Variants in TANC2 observed in about 807,000 individuals in gnomAD.
The protein encoded by TANC2 is protein TANC2.
A neutral mutation model predicts 210.5 loss-of-function variants in TANC2; 26 were observed. That is an observed-to-expected ratio of 0.12 (90% CI 0.09 to 0.17). The LOEUF (loss-of-function observed/expected upper bound fraction) is 0.17. Among genes scored for constraint, TANC2 ranks in the 10% least tolerant of loss-of-function variants. The pLI, the probability that TANC2 is intolerant of heterozygous loss-of-function variation, is 1.00. For missense variants in TANC2, 2,129 were observed against 2,608.9 expected (o/e 0.82, Z 4.01); for synonymous variants, 931 against 967.1 (o/e 0.96, Z 0.69).
At chr17:62,985,037 C>A (rs2032498837) in intron 1 of TANC2, among the ~76,000 whole-genome samples, 1 of 152,146 alleles carries the variant, frequency 6.6e-6, no homozygotes, top group Admixed American at 6.5e-5. Flanking sequence ...GATGAACTCT[C>A]CAGCGCTGAC....
intron 1 of TANC2, among the ~76,000 whole-genome samples, chr17:62,974,231 A>G (rs1055677974): frequency 6.6e-6 from 1 of 152,186 alleles, no homozygotes; most frequent in Non-Finnish European, 1.5e-5. Flanking sequence ...TACCTCTCTG[A>G]TGACACCCTT....
chr17:63,117,996 A>G (rs561341049), intron 4 of TANC2, among the ~76,000 whole-genome samples: 35 of 152,364 alleles, frequency 2.3e-4, no homozygotes, highest in African/African-American at 8.2e-4. Context: ...ATTTTAAAAA[A>G]GAATATGCAT....
chr17:63,133,337 T>C (rs979017394), intron 4 of TANC2, among the ~76,000 whole-genome samples: 3 of 152,108 alleles, frequency 2.0e-5, no homozygotes, highest in Non-Finnish European at 4.4e-5. Flanking sequence ...AAACTCCTGA[T>C]CTTGTGATCC....
chr17:63,220,800 A>G (rs891936277), intron 7 of TANC2, among the ~76,000 whole-genome samples: 26 of 147,772 alleles, frequency 1.8e-4, no homozygotes, highest in African/African-American at 6.2e-4. Flanking sequence ...ATATGTATAT[A>G]TACGTGTATA....
At chr17:63,394,110 A>AT (rs1396202409) in intron 17 of TANC2, among the ~76,000 whole-genome samples, 1 of 152,088 alleles carries the variant, frequency 6.6e-6, no homozygotes, top group Non-Finnish European at 1.5e-5. Context: ...CCTAACAGTG[A>AT]TTTTCTACTT....
rs564981793 is a variant in TANC2, at chr17:63,136,435, C to G, written c.323-14835C>G. Among the ~76,000 whole-genome samples, 7 of 152,216 alleles carry G rather than the reference C, an allele frequency of 4.6e-5. No homozygotes were observed. In the South Asian group the frequency reaches 1.5e-3, roughly 32 times the overall value. Reference sequence around the variant, plus strand: ...CCCCAGTTTTCTTAGGCCTTAAGTTCTAAATAGATGAAGGACATGAACAGA... The same window carrying G: ...CCCCAGTTTTCTTAGGCCTTAAGTTGTAAATAGATGAAGGACATGAACAGA... On this transcript the variant is annotated intron_variant, in intron 4 of 27. Coordinates refer to ENST00000689528, the Ensembl canonical transcript of TANC2.
At chr17:63,229,007 G>A (rs977451591) in intron 7 of TANC2, among the ~76,000 whole-genome samples, 4 of 152,088 alleles carry the variant, frequency 2.6e-5, no homozygotes, top group Non-Finnish European at 5.9e-5. Flanking sequence ...GTCTTGTGCC[G>A]GTTTTCAAGG....
In TANC2 at chr17:63,418,204, A is replaced by C; in HGVS notation, c.4168-103A>C. The C allele has an allele frequency of 8.1e-7, 1 of 1,228,076 alleles. No individual in the cohort carries two copies. The highest frequency in any genetic ancestry group is 1.9e-4 in the Middle Eastern group (1 of 5,212). 76.1% of individuals were successfully genotyped at this position (1,228,076 alleles called of 1,614,324 possible). On this transcript the variant is annotated intron_variant, in intron 26 of 27. Transcript: ENST00000689528. This position sits in a 1 kb window ranked among gnomAD's most constrained non-coding sequence, Gnocchi z 4.6. ...GCACGTCTAGCGTCCCAGGCGTTCCATCCATGAATGTCAAAAAATGTACAA... is the reference window on the plus strand; with the variant it reads ...GCACGTCTAGCGTCCCAGGCGTTCCCTCCATGAATGTCAAAAAATGTACAA...
At chr17:63,143,451 T>A (rs372602424) in intron 4 of TANC2, among the ~76,000 whole-genome samples, 1 of 152,184 alleles carries the variant, frequency 6.6e-6, no homozygotes, top group East Asian at 1.9e-4. Context: ...TTAGCAATAT[T>A]TGCCTGTGTA....
intron 25 of TANC2, among the ~76,000 whole-genome samples, chr17:63,413,850 G>T (rs142551233): frequency 1.4e-3 from 215 of 152,206 alleles, no homozygotes; most frequent in African/African-American, 5.0e-3. Flanking sequence ...TCAATCTAAA[G>T]CCCTGGTTTC....
intron 9 of TANC2, among the ~76,000 whole-genome samples, chr17:63,287,938 A>G (rs1177652392): frequency 6.6e-6 from 1 of 152,136 alleles, no homozygotes; most frequent in Non-Finnish European, 1.5e-5. Context: ...CGGCTCCCCA[A>G]AGTGCTGGGA....
intron 15 of TANC2, 86 bp from the exon 16 acceptor site, chr17:63,388,549 C>T (rs2047858329): frequency 7.1e-7 from 1 of 1,405,612 alleles, no homozygotes; most frequent in Non-Finnish European, 9.7e-7. Flanking sequence ...TTCATTAGTA[C>T]CAAAAACAAA....
At chr17:63,060,265 T>C (rs911731277) in intron 2 of TANC2, among the ~76,000 whole-genome samples, 3 of 152,230 alleles carry the variant, frequency 2.0e-5, no homozygotes, top group Non-Finnish European at 4.4e-5. Context: ...TCACTTATGG[T>C]TGTACTGTAC....
chr17:63,095,156 G>C lies in TANC2; in HGVS notation c.140-4019G>C, dbSNP rs549469563. 3.3e-5 allele frequency among the ~76,000 whole-genome samples: 5 copies of C among 152,152 alleles called. No homozygotes were observed. In the South Asian group the frequency reaches 1.0e-3, roughly 32 times the overall value. On this transcript the variant is annotated intron_variant, in intron 3 of 27. Coordinates refer to ENST00000689528, the Ensembl canonical transcript of TANC2. ...AGTTCCTTGGGCCAGTGGAATGTTA[G>C]TGAGCAGAGAGGTTTTTCTTTGTTG...
At chr17:63,047,521 T>A (rs7219218) in intron 2 of TANC2, among the ~76,000 whole-genome samples, 81,239 of 151,840 alleles carry the variant, frequency 0.54, 23,245 homozygotes, top group African/African-American at 0.73. Context: ...GGGAGCTCTG[T>A]TGGAGAGTAT....
At chr17:63,097,271 T>C (rs2037422785) in intron 3 of TANC2, among the ~76,000 whole-genome samples, 1 of 152,250 alleles carries the variant, frequency 6.6e-6, no homozygotes, top group Middle Eastern at 3.4e-3. Context: ...GGTCTCAAAC[T>C]TATGGGCTCA....
intron 11 of TANC2, chr17:63,331,856 CTGTG>C (rs765243268): frequency 0.18 from 27,958 of 152,928 alleles, 2,620 homozygotes; most frequent in African/African-American, 0.28. Flanking sequence ...GTGTGTGTGT[CTGTG>C]TGTGTGTGTG....
chr17:63,161,394 C>G (rs531423374), intron 5 of TANC2, among the ~76,000 whole-genome samples: 1 of 152,030 alleles, frequency 6.6e-6, no homozygotes, highest in South Asian at 2.1e-4. Flanking sequence ...TCCATATACT[C>G]TGAACAGCTT....
chr17:63,262,995 G>A (rs2043413917), intron 8 of TANC2, among the ~76,000 whole-genome samples: 2 of 152,072 alleles, frequency 1.3e-5, no homozygotes, highest in African/African-American at 4.8e-5. Context: ...CTTAGTTTAA[G>A]TTCCCTAAAC....
Sources: gnomAD v4.1 joint callset for allele counts (sites outside exome capture counted in the v4.1 genomes callset) on GRCh38, gnomAD v4.1.1 for gene constraint, Gnocchi (gnomAD v3.1) non-coding constraint, MANE v1.5 for transcripts, NCBI Gene and HGNC (gene_info 2026-07-23, HGNC 2026-07-21) for gene names.